MSANTD2: variants seen among roughly 807,000 people sequenced by gnomAD.
MSANTD2 encodes Myb/SANT DNA binding domain containing 2, also known as myb/SANT-like DNA-binding domain-containing protein 2.
In MSANTD2, 19 loss-of-function variants were observed where a neutral mutation model predicts 52.6. The ratio of observed to expected loss-of-function variants is 0.36; its 90% CI spans 0.25 to 0.53. The LOEUF (loss-of-function observed/expected upper bound fraction) is 0.53. Among genes scored for constraint, MSANTD2 ranks in the 20% least tolerant of loss-of-function variants. MSANTD2 has a pLI of 0.91. For synonymous variants in MSANTD2, 291 were observed against 289.7 expected, an observed-to-expected ratio of 1.00 and a Z score of -0.04; for missense variants, 558 against 716.3, an observed-to-expected ratio of 0.78 and a Z score of 2.52.
At chr11:124,778,534 G>T (rs928871515) in intron 1 of MSANTD2, among the ~76,000 whole-genome samples, 1 of 152,194 alleles carries the variant, frequency 6.6e-6, no homozygotes, top group Non-Finnish European at 1.5e-5. Context: ...AGGTCAGGAG[G>T]AGTCAGGAAA....
At chr11:124,778,741 T>C (rs1036310056) in intron 1 of MSANTD2, among the ~76,000 whole-genome samples, 1 of 151,936 alleles carries the variant, frequency 6.6e-6, no homozygotes, top group African/African-American at 2.4e-5. Flanking sequence ...GGGAGAAAAA[T>C]AAGATGGCTG....
Position 124,800,395 on chromosome 11 carries a change from C to A in MSANTD2, c.-15G>T. Reference sequence around the variant, plus strand: ...GGCGCAGCCATCTTCCAAGCGGCCGCCGCTGCACCGCCCGGAAGTGACGCG... The same window carrying A: ...GGCGCAGCCATCTTCCAAGCGGCCGACGCTGCACCGCCCGGAAGTGACGCG... On this transcript the variant is annotated 5_prime_UTR_variant, in exon 1 of 4. Transcript: ENST00000374979. This position sits in a 1 kb window ranked among gnomAD's most constrained non-coding sequence, Gnocchi z 4.3. 1 of 1,480,994 alleles carries A rather than the reference C, an allele frequency of 6.8e-7. No individual in the cohort carries two copies. Among genetic ancestry groups the A allele is most frequent in the Non-Finnish European group, 9.0e-7 (1 of 1,113,416 alleles). The allele number at this position is 1,480,994 out of a possible 1,614,324, so 91.7% of individuals were successfully genotyped here.
rs1170469388 is a variant in MSANTD2, at chr11:124,779,189, G to C, written c.511-4215C>G. On this transcript the variant is annotated intron_variant, in intron 1 of 3. Coordinates refer to ENST00000374979, the MANE Select transcript of MSANTD2 (RefSeq NM_001308027.2). This position sits in a 1 kb window ranked among gnomAD's most constrained non-coding sequence, Gnocchi z 4.6. ...TTCAGAAAAGGGCAAATAAAATATT[G>C]AAAGGCTTGGAAAATAAGATCTATA... 1 of 152,172 alleles carries C rather than the reference G, an allele frequency of 6.6e-6. No homozygotes were observed. The highest frequency in any genetic ancestry group is 1.5e-5 in the Non-Finnish European group (1 of 68,040). 9.4% of individuals were successfully genotyped at this position (152,172 alleles called of 1,614,324 possible).
chr11:124,789,114 T>C (rs1001246786), intron 1 of MSANTD2: 10 of 152,188 alleles, frequency 6.6e-5, no homozygotes, highest in Non-Finnish European at 1.3e-4. Flanking sequence ...AGATGGTGTA[T>C]AGGTAGTGGA....
At chr11:124,788,044 C>T (rs190733112) in intron 1 of MSANTD2, among the ~76,000 whole-genome samples, 7 of 149,812 alleles carry the variant, frequency 4.7e-5, no homozygotes, top group East Asian at 2.0e-4. Context: ...ATCGTGCCAC[C>T]GCACTCTAGC....
chr11:124,790,638 G>C (rs1264816053), intron 1 of MSANTD2: 1 of 152,196 alleles, frequency 6.6e-6, no homozygotes, highest in African/African-American at 2.4e-5. Context: ...TTACTCTTTT[G>C]ATTCTCCATA....
At chr11:124,797,119 A>G (rs1945520156) in intron 1 of MSANTD2, among the ~76,000 whole-genome samples, 1 of 152,208 alleles carries the variant, frequency 6.6e-6, no homozygotes, top group South Asian at 2.1e-4. Context: ...GTTAAACAGC[A>G]GTATTATTGA....
chr11:124,773,024 T>A lies in MSANTD2; in HGVS notation c.797A>T (p.Lys266Ile). Reference protein sequence around the residue: ...DEIPVTKRTLKIKQESSEEAQ... With the variant: ...DEIPVTKRTLIIKQESSEEAQ... The stretch of plus-strand genomic sequence containing the variant: ...TTCTTCAGAAGACTCTTGTTTTATT[T>A]TTAATGTTCTCTTTGTGACAGGTAT... The change falls in exon 3 of 4, where the codon AAA (lysine) becomes ATA (isoleucine). Residue 266 changes from lysine (K) to isoleucine (I), a missense_variant. Lys to Ile is a moderately radical substitution (Grantham distance 102). Coordinates refer to ENST00000374979, the MANE Select transcript of MSANTD2 (RefSeq NM_001308027.2). 6.2e-7 allele frequency: 1 copy of A among 1,601,620 alleles called. No homozygotes were observed. The highest frequency in any genetic ancestry group is 8.6e-7 in the Non-Finnish European group (1 of 1,169,080).
chr11:124,797,759 A>T (rs1295050267), intron 1 of MSANTD2, among the ~76,000 whole-genome samples: 1 of 152,172 alleles, frequency 6.6e-6, no homozygotes, highest in Non-Finnish European at 1.5e-5. Flanking sequence ...GCACATTCCC[A>T]AAATACCCTA....
intron 1 of MSANTD2, among the ~76,000 whole-genome samples, chr11:124,787,582 T>C (rs1390428978): frequency 6.6e-6 from 1 of 152,234 alleles, no homozygotes; most frequent in African/African-American, 2.4e-5. Context: ...GGTTTCACCA[T>C]ACTGGCCAGG....
chr11:124,773,369 T>C (rs182057224), intron 2 of MSANTD2: 5 of 199,930 alleles, frequency 2.5e-5, no homozygotes, highest in African/African-American at 9.3e-5. Context: ...AAAATAATTC[T>C]GTTCCATTTA....
intron 1 of MSANTD2, among the ~76,000 whole-genome samples, chr11:124,797,041 G>A (rs182013711): frequency 6.6e-6 from 1 of 152,334 alleles, no homozygotes; most frequent in East Asian, 1.9e-4. Context: ...CTGTGCTGAA[G>A]ATTACATTCA....
rs1329994332 is a variant in MSANTD2 at position 124,774,696 on chromosome 11, A to G, written c.766+23T>C. The G allele has an allele frequency of 6.2e-7, 1 of 1,607,046 alleles. No homozygotes were observed. The highest frequency in any genetic ancestry group is 1.1e-5 in the South Asian group (1 of 90,632). On this transcript the variant is annotated intron_variant, in intron 2 of 3. Coordinates refer to ENST00000374979, the MANE Select transcript of MSANTD2 (RefSeq NM_001308027.2). This position sits in a 1 kb window ranked among gnomAD's most constrained non-coding sequence, Gnocchi z 5.1. ...TATATAAATATACACAAACATAAGT[A>G]TCATATATGTTGGCTTTCTTACCCA...
Position 124,799,973 on chromosome 11 carries a change from G to A in MSANTD2, c.408C>T (p.Phe136=). The A allele has an allele frequency of 6.3e-7, 1 of 1,585,144 alleles. No individual in the cohort carries two copies. The highest frequency in any genetic ancestry group is 8.5e-7 in the Non-Finnish European group (1 of 1,174,794). The change falls in exon 1 of 4, where the codon TTC becomes TTT. Residue 136 remains phenylalanine (F), a synonymous_variant. Transcript: ENST00000374979. ...YQQLEGAGTV[F]GSKAPGPAMY... Reference sequence around the variant, plus strand: ...TGGCTGGCCCGGGGGCCTTGCTGCCGAACACCGTGCCGGCTCCCTCCAGCT... The same window carrying A: ...TGGCTGGCCCGGGGGCCTTGCTGCCAAACACCGTGCCGGCTCCCTCCAGCT...
At chr11:124,772,708 G>A (rs1944571398) in intron 3 of MSANTD2, among the ~76,000 whole-genome samples, 1 of 130,890 alleles carries the variant, frequency 7.6e-6, no homozygotes. Flanking sequence ...CTGCACACCA[G>A]CCTGGGTGAC....
rs1255824038 is a variant in MSANTD2, at chr11:124,791,380, C to CG, written c.510+8490dup. 6 of 1,363,774 alleles carry CG rather than the reference C, an allele frequency of 4.4e-6. No individual in the cohort carries two copies. The African/African-American group carries it at 5.7e-5, about 13-fold the overall frequency. 84.5% of individuals were successfully genotyped at this position (1,363,774 alleles called of 1,614,324 possible). ...GTGCAAGACAAACAAGGCATCATTA[C>CG]GGGCTACATCATCAAAACCTTAGAA... is the stretch of plus-strand genomic sequence containing the variant. On this transcript the variant is annotated intron_variant, in intron 1 of 3. Transcript: ENST00000374979.
At position 124,768,005 on chromosome 11, in the gene MSANTD2, A is replaced by T. The variant is rs1944365323; in HGVS notation, c.851T>A (p.Ile284Asn). The T allele has an allele frequency of 6.2e-7, 1 of 1,605,414 alleles. No homozygotes were observed. The highest frequency in any genetic ancestry group is 8.5e-7 in the Non-Finnish European group (1 of 1,173,534). Residue 284 changes from isoleucine to asparagine, a missense_variant, in exon 4 of 4, where the codon ATT becomes AAT. Around this residue, in one of 2 missense-constraint regions of MSANTD2, gnomAD observed 408 missense variants for 573.6 expected, o/e 0.71. Coordinates refer to ENST00000374979, the MANE Select transcript of MSANTD2 (RefSeq NM_001308027.2). Reference protein sequence around the residue: ...EAQKRDIMQNIVQILESVQLK... With the variant: ...EAQKRDIMQNNVQILESVQLK... ...CTGTACCGATTCCAAAATCTGTACA[A>T]TATTCTGCATGATGTCTCTCTTCCT...
chr11:124,775,092 C>T (rs1944687984), intron 1 of MSANTD2, 118 bp from the exon 2 acceptor site: 5 of 836,564 alleles, frequency 6.0e-6, no homozygotes, highest in Non-Finnish European at 8.7e-6. Context: ...CACATTGTTA[C>T]AGGAATGCTA....
chr11:124,786,683 A>T (rs1044999940), intron 1 of MSANTD2, among the ~76,000 whole-genome samples: 1 of 152,168 alleles, frequency 6.6e-6, no homozygotes, highest in African/African-American at 2.4e-5. Flanking sequence ...GGACTTCCAA[A>T]TCTCCTTGTG....
Sources: allele counts gnomAD v4.1 joint callset (sites outside exome capture counted in the v4.1 genomes callset), GRCh38; gene constraint gnomAD v4.1.1; regional missense constraint gnomAD v4.1.1; non-coding constraint Gnocchi (gnomAD v3.1); transcripts MANE v1.5; gene names NCBI Gene and HGNC (gene_info 2026-07-23, HGNC 2026-07-21).